ADAM23: variants seen among roughly 807,000 people sequenced by gnomAD.
ADAM23 encodes the protein disintegrin and metalloproteinase domain-containing protein 23.
Under a neutral mutation model 120.1 loss-of-function variants are expected in ADAM23, and 33 were observed. That is an observed-to-expected ratio of 0.27 (90% CI 0.21 to 0.37). The LOEUF (loss-of-function observed/expected upper bound fraction) is 0.37. Ranked by LOEUF, ADAM23 falls within the 10% of genes least tolerant of loss-of-function variation. The pLI is 1.00. For missense variants in ADAM23, 862 were observed against 1,058.2 expected (o/e 0.81, Z 2.57); for synonymous variants, 367 against 375.2 (o/e 0.98, Z 0.25).
intron 18 of ADAM23, among the ~76,000 whole-genome samples, chr2:206,584,550 ATCCTCCTAGGTAGAGACCTGG>A (rs1698283829): frequency 6.6e-6 from 1 of 152,036 alleles, no homozygotes; most frequent in Non-Finnish European, 1.5e-5. Flanking sequence ...GGCAGCCATA[ATCCTCCTAGGTAGAGACCTGG>A]GAGTCTCACC....
rs537344806 is a variant in ADAM23 at position 206,476,084 on chromosome 2, T to C, written c.433-5148T>C. On this transcript the variant is annotated intron_variant, in intron 2 of 25. Coordinates refer to ENST00000264377, the MANE Select transcript of ADAM23 (RefSeq NM_003812.4). ...TCTGCTTACTGACTTTTGCGGTCTC[T>C]AATGCCCTCTTTCCTGAAGCCGAGA... is the stretch of plus-strand genomic sequence containing the variant. Among the ~76,000 whole-genome samples, 36 of 152,334 alleles carry C rather than the reference T, an allele frequency of 2.4e-4. No individual in the cohort carries two copies. In the South Asian group the frequency reaches 3.9e-3, roughly 17 times the overall value.
At chr2:206,578,034 T>C (rs1268850340) in intron 18 of ADAM23, among the ~76,000 whole-genome samples, 2 of 152,218 alleles carry the variant, frequency 1.3e-5, no homozygotes, top group African/African-American at 4.8e-5. Context: ...CATTTTTTCA[T>C]GTGTTTTTTG....
Position 206,443,861 on chromosome 2 carries a change from T to C in ADAM23, c.-6T>C, listed in dbSNP as rs1695013495. 2 of 1,131,484 alleles carry C rather than the reference T, an allele frequency of 1.8e-6. No homozygotes were observed. Among genetic ancestry groups the C allele is most frequent in the South Asian group, 3.8e-5 (1 of 26,086 alleles). The allele number at this position is 1,131,484 out of a possible 1,614,324, so 70.1% of individuals were successfully genotyped here. On this transcript the variant is annotated 5_prime_UTR_variant, in exon 1 of 26. It removes an upstream start codon present in the reference 5' UTR. Transcript: ENST00000264377. ...CACACGGAGCGGCGCCCGGGAGCTATGAGCCATGAAGCCGCCCGGCAGCAG... is the reference window on the plus strand; with the variant it reads ...CACACGGAGCGGCGCCCGGGAGCTACGAGCCATGAAGCCGCCCGGCAGCAG...
chr2:206,457,803 A>G (rs1285153454), intron 2 of ADAM23, among the ~76,000 whole-genome samples: 2 of 152,204 alleles, frequency 1.3e-5, no homozygotes, highest in Admixed American at 6.5e-5. Flanking sequence ...TTTGTTTTGA[A>G]AAATATTTTC....
intron 3 of ADAM23, among the ~76,000 whole-genome samples, chr2:206,526,169 CACACACACACAG>C (rs1419628963): frequency 2.6e-5 from 4 of 151,496 alleles, no homozygotes; most frequent in Non-Finnish European, 3.0e-5. Flanking sequence ...CACACACACA[CACACACACACAG>C]ACACACACAG....
At chr2:206,554,704 T>C (rs538968045) in intron 9 of ADAM23, among the ~76,000 whole-genome samples, 22 of 152,278 alleles carry the variant, frequency 1.4e-4, no homozygotes, top group African/African-American at 5.3e-4. Flanking sequence ...AAATTCTAGC[T>C]GTGTGATCTT....
chr2:206,511,078 A>T (rs1354289208), intron 3 of ADAM23, among the ~76,000 whole-genome samples: 1 of 151,878 alleles, frequency 6.6e-6, no homozygotes, highest in African/African-American at 2.4e-5. Context: ...TCTCTATACC[A>T]TTTTATCATT....
chr2:206,460,973 C>G (rs761292575), intron 2 of ADAM23, among the ~76,000 whole-genome samples: 9 of 151,904 alleles, frequency 5.9e-5, no homozygotes, highest in Non-Finnish European at 1.0e-4. Flanking sequence ...CTAGTTTTCA[C>G]AACACCATTT....
At chr2:206,552,915 G>A (rs1429393089) in intron 9 of ADAM23, among the ~76,000 whole-genome samples, 1 of 151,772 alleles carries the variant, frequency 6.6e-6, no homozygotes, top group Non-Finnish European at 1.5e-5. Context: ...TGATCTGTCT[G>A]CTTCAACCTC....
At chr2:206,551,855 A>G (rs866281940) in intron 9 of ADAM23, among the ~76,000 whole-genome samples, 40 of 152,126 alleles carry the variant, frequency 2.6e-4, no homozygotes, top group African/African-American at 8.4e-4. Context: ...GTTGCCTTTA[A>G]ATATATTGCT....
chr2:206,534,798 A>G lies in ADAM23; in HGVS notation c.573+3850A>G, dbSNP rs74672711. ...AGTGCCTCCATCCCAACTTCCCTCT[A>G]CCTTATTACTATCATTATTAGGTGG... is the stretch of plus-strand genomic sequence containing the variant. On this transcript the variant is annotated intron_variant, in intron 4 of 25. Coordinates refer to ENST00000264377, the MANE Select transcript of ADAM23 (RefSeq NM_003812.4). 1.7e-3 allele frequency among the ~76,000 whole-genome samples: 266 copies of G among 152,208 alleles called. 2 individuals carry two copies. The East Asian group carries it at 0.02, about 11-fold the overall frequency.
intron 24 of ADAM23, chr2:206,607,096 A>C (rs1023744710): frequency 6.6e-6 from 1 of 152,256 alleles, no homozygotes; most frequent in Non-Finnish European, 1.5e-5. Context: ...TGAAGATGAC[A>C]TGAGCCTTCT....
chr2:206,601,347 T>C (rs917671592), intron 24 of ADAM23, among the ~76,000 whole-genome samples: 3 of 152,226 alleles, frequency 2.0e-5, no homozygotes, highest in Admixed American at 6.5e-5. Context: ...CTAGACCCCT[T>C]GTTTTACAAA....
At chr2:206,584,665 T>C (rs1043075736) in intron 18 of ADAM23, among the ~76,000 whole-genome samples, 2 of 152,070 alleles carry the variant, frequency 1.3e-5, no homozygotes, top group Non-Finnish European at 2.9e-5. Flanking sequence ...TACCCGATGG[T>C]CCCAGCTTCA....
rs1229595648 is a variant in ADAM23, at chr2:206,477,891, A to ATATATATATATATATATATATATAT, written c.433-3341_433-3340insTATATATATATATATATATATATAT. ...AGCCAATATTCTGTTAAAAAAAAAA[A>ATATATATATATATATATATATATAT]AAAAAAATATATATATATATATATA... On this transcript the variant is annotated intron_variant, in intron 2 of 25. Transcript: ENST00000264377. 6.4e-5 allele frequency among the ~76,000 whole-genome samples: 6 copies of ATATATATATATATATATATATATAT among 94,412 alleles called. No individual in the cohort carries two copies. The East Asian group carries it at 7.3e-4, about 12-fold the overall frequency. The allele number at this position is 94,412 out of a possible 152,430, so 61.9% of individuals were successfully genotyped here. A position where few individuals can be genotyped will look rare whatever the true frequency, so the allele number is the denominator to read the frequency against.
At chr2:206,519,438 T>C (rs1384115614) in intron 3 of ADAM23, among the ~76,000 whole-genome samples, 2 of 152,168 alleles carry the variant, frequency 1.3e-5, no homozygotes, top group Non-Finnish European at 2.9e-5. Context: ...GACTTTTTTT[T>C]AAACAATCGA....
intron 2 of ADAM23, among the ~76,000 whole-genome samples, chr2:206,463,626 G>A (rs1380416812): frequency 1.3e-5 from 2 of 152,188 alleles, no homozygotes; most frequent in Non-Finnish European, 2.9e-5. Flanking sequence ...ATGTGGGGCC[G>A]AAAAGGAAGG....
At chr2:206,570,576 C>T (rs921693058) in intron 15 of ADAM23, among the ~76,000 whole-genome samples, 164 bp from the exon 16 acceptor site, 18 of 152,132 alleles carry the variant, frequency 1.2e-4, no homozygotes, top group African/African-American at 3.9e-4. Context: ...AATAAGTGAA[C>T]AGTATTTCCC....
intron 2 of ADAM23, among the ~76,000 whole-genome samples, chr2:206,466,261 C>T (rs370299391): frequency 3.4e-4 from 52 of 152,246 alleles, no homozygotes; most frequent in African/African-American, 1.2e-3. Flanking sequence ...GCTGTGTCTT[C>T]ATTTGCTGAT....
Sources: gnomAD v4.1 joint callset for allele counts (sites outside exome capture counted in the v4.1 genomes callset) on GRCh38, gnomAD v4.1.1 for gene constraint, MANE v1.5 for transcripts, NCBI Gene and HGNC (gene_info 2026-07-23, HGNC 2026-07-21) for gene names.